C9orf78: variants seen among roughly 807,000 people sequenced by gnomAD.
C9orf78 encodes chromosome 9 open reading frame 78, also known as splicing factor C9orf78.
C9orf78 carries 19 observed loss-of-function variants against 37.4 expected under a neutral mutation model. That is an observed-to-expected ratio of 0.51 (90% CI 0.35 to 0.74). The LOEUF (loss-of-function observed/expected upper bound fraction) is 0.74. Among genes scored for constraint, C9orf78 ranks in the 30% least tolerant of loss-of-function variants. The probability of loss-of-function intolerance (pLI) is 0.01; values close to 1 mark genes in which losing one functional copy is unlikely to be tolerated. For missense variants in C9orf78, 291 were observed against 370.8 expected, an observed-to-expected ratio of 0.78 and a Z score of 1.77; for synonymous variants, 130 against 128.0, an observed-to-expected ratio of 1.02 and a Z score of -0.10.
In C9orf78 at chr9:129,833,721, C is replaced by CAAA; in HGVS notation, c.144-15_144-13dup. 1 of 1,324,578 alleles carries CAAA rather than the reference C, an allele frequency of 7.5e-7. No individual in the cohort carries two copies. Among genetic ancestry groups the CAAA allele is most frequent in the Non-Finnish European group, 1.0e-6 (1 of 972,208 alleles). 82.1% of individuals were successfully genotyped at this position (1,324,578 alleles called of 1,614,324 possible). A position where few individuals can be genotyped will look rare whatever the true frequency, so the allele number is the denominator to read the frequency against. On this transcript the variant is annotated splice_polypyrimidine_tract_variant and intron_variant, in intron 2 of 8. Transcript: ENST00000372447. Reference sequence around the variant, plus strand: ...GCAAGGCCACAGCACTGAGCAAAACCAAAAAAAAAAGAGAGGGGGAGAGAG... The same window carrying CAAA: ...GCAAGGCCACAGCACTGAGCAAAACCAAAAAAAAAAAAAGAGAGGGGGAGAGAG...
At chr9:129,832,022 A>C in intron 4 of C9orf78, 49 bp from the exon 5 acceptor site, 1 of 861,450 alleles carries the variant, frequency 1.2e-6, no homozygotes, top group Admixed American at 1.7e-5. Context: ...CAACTCAATG[A>C]GGCTGAGTTT....
At chr9:129,833,834 T>G (rs1201381029) in intron 2 of C9orf78, 125 bp from the exon 3 acceptor site, 1 of 664,870 alleles carries the variant, frequency 1.5e-6, no homozygotes, top group African/African-American at 1.8e-5. Flanking sequence ...GAGGGGTGGG[T>G]AGGCAAGCCG....
intron 8 of C9orf78, chr9:129,828,795 A>G (rs555036825): frequency 6.1e-6 from 2 of 329,158 alleles, no homozygotes; most frequent in South Asian, 2.6e-5. Flanking sequence ...CAGTGGTCCA[A>G]TCATAGCTCA....
rs767928848 is a variant in C9orf78 at position 129,833,743 on chromosome 9, A to G, written c.144-34T>C. On this transcript the variant is annotated intron_variant, in intron 2 of 8. Coordinates refer to ENST00000372447, the MANE Select transcript of C9orf78 (RefSeq NM_016520.3). ...AACCAAAAAAAAAAGAGAGGGGGAG[A>G]GAGAGAAATGGCATAATTCAGAGAT... is the stretch of plus-strand genomic sequence containing the variant. The G allele has an allele frequency of 1.2e-5, 18 of 1,529,672 alleles. No individual in the cohort carries two copies. In the East Asian group the frequency reaches 3.4e-4, roughly 29 times the overall value. The allele number at this position is 1,529,672 out of a possible 1,614,324, so 94.8% of individuals were successfully genotyped here.
Position 129,835,227 on chromosome 9 carries a change from C to A in C9orf78, c.-6G>T. The A allele has an allele frequency of 6.2e-7, 1 of 1,605,662 alleles. No homozygotes were observed. Among genetic ancestry groups the A allele is most frequent in the Non-Finnish European group, 8.5e-7 (1 of 1,177,056 alleles). ...ATCTTCCGGACGACCGGCATGGTGA[C>A]AACGGCCGAGTTGTACAGCCGCCGC... On this transcript the variant is annotated 5_prime_UTR_variant, in exon 1 of 9. Coordinates refer to ENST00000372447, the MANE Select transcript of C9orf78 (RefSeq NM_016520.3).
chr9:129,834,505 G>A (rs1042804132), intron 2 of C9orf78: 1 of 528,796 alleles, frequency 1.9e-6, no homozygotes. Flanking sequence ...TGTATCTCTG[G>A]AGCACACCCC....
intron 6 of C9orf78, 108 bp downstream of exon 6, chr9:129,830,763 G>A (rs895160672): frequency 2.1e-5 from 16 of 775,984 alleles, no homozygotes; most frequent in Non-Finnish European, 3.6e-5. Flanking sequence ...ACCCGCCTCA[G>A]CCTCCCAAAG....
intron 6 of C9orf78, 168 bp from the exon 7 acceptor site, chr9:129,829,709 C>T (rs114765479): frequency 2.3e-5 from 14 of 599,484 alleles, no homozygotes; most frequent in East Asian, 1.9e-4. Flanking sequence ...GGGACTCTCA[C>T]GGCTGTCGGA....
rs1164775389 is a variant in C9orf78, at chr9:129,835,228, A to T, written c.-7T>A. ...TCTTCCGGACGACCGGCATGGTGAC[A>T]ACGGCCGAGTTGTACAGCCGCCGCG... On this transcript the variant is annotated 5_prime_UTR_variant, in exon 1 of 9. Transcript: ENST00000372447. The T allele has an allele frequency of 3.1e-6, 5 of 1,604,386 alleles. No individual in the cohort carries two copies. In the African/African-American group the frequency reaches 6.7e-5, roughly 22 times the overall value.
intron 3 of C9orf78, 36 bp downstream of exon 3, chr9:129,833,622 C>T: frequency 6.5e-7 from 1 of 1,531,298 alleles, no homozygotes; most frequent in Non-Finnish European, 9.0e-7. Flanking sequence ...GCAGGGAGGG[C>T]TGCCATAACT....
At chr9:129,832,886 C>T (rs1201612292) in intron 4 of C9orf78, among the ~76,000 whole-genome samples, 1 of 152,040 alleles carries the variant, frequency 6.6e-6, no homozygotes, top group African/African-American at 2.4e-5. Context: ...ACCTCCCTGA[C>T]TCAAGTGATT....
chr9:129,828,168 C>T lies in C9orf78; in HGVS notation c.863G>A (p.Arg288Gln), dbSNP rs769552320. ...CATCCCACTCTGCACAACTCAGTAC[C>T]GCCTATTCATTTTCTTGAACTTCTC... ...HYEKFKKMNR[R>Q]Y The change falls in exon 9 of 9, where the codon CGG becomes CAG. Residue 288 changes from arginine (R) to glutamine (Q), a missense_variant. Transcript: ENST00000372447. The T allele has an allele frequency of 1.1e-5, 17 of 1,565,158 alleles. No homozygotes were observed. The highest frequency in any genetic ancestry group is 8.4e-5 in the Admixed American group (5 of 59,744).
At position 129,831,891 on chromosome 9, in the gene C9orf78, C is replaced by G. The variant is rs373953902; in HGVS notation, c.344+5G>C. 107 of 1,501,090 alleles carry G rather than the reference C, an allele frequency of 7.1e-5. No individual in the cohort carries two copies. Among genetic ancestry groups the G allele is most frequent in the Admixed American group, 4.8e-4 (29 of 59,884 alleles). The allele number at this position is 1,501,090 out of a possible 1,614,324, so 93.0% of individuals were successfully genotyped here. A position where few individuals can be genotyped will look rare whatever the true frequency, so the allele number is the denominator to read the frequency against. ...CTGCTCACAGCCAAACAGACTGACA[C>G]TTACATGTCTGCATCCTCATCCCTT... On this transcript the variant is annotated splice_donor_5th_base_variant and intron_variant, in intron 5 of 8. Coordinates refer to ENST00000372447, the MANE Select transcript of C9orf78 (RefSeq NM_016520.3).
At chr9:129,831,719 C>T (rs541043287) in intron 5 of C9orf78, 177 bp downstream of exon 5, 27 of 579,640 alleles carry the variant, frequency 4.7e-5, no homozygotes, top group Middle Eastern at 4.4e-4. Context: ...CTACCGTGCC[C>T]GGCCTGAAAA....
chr9:129,833,648 C>G lies in C9orf78; in HGVS notation c.195+10G>C, dbSNP rs778229828. On this transcript the variant is annotated intron_variant, in intron 3 of 8. Transcript: ENST00000372447. ...TGCCATAACTACTCAGGGAAGACCC[C>G]ATAACTTACCACTAGAGTGGTCTCC... 2 of 1,601,744 alleles carry G rather than the reference C, an allele frequency of 1.2e-6. No individual in the cohort carries two copies. Among genetic ancestry groups the G allele is most frequent in the Non-Finnish European group, 1.7e-6 (2 of 1,169,088 alleles).
chr9:129,834,995 C>A, intron 1 of C9orf78, 144 bp downstream of exon 1: 2 of 746,124 alleles, frequency 2.7e-6, no homozygotes, highest in Non-Finnish European at 4.5e-6. Flanking sequence ...TGGCCTCACC[C>A]CTTGAGCCTC....
intron 4 of C9orf78, 126 bp downstream of exon 4, chr9:129,833,321 C>T (rs912852705): frequency 1.5e-6 from 1 of 669,026 alleles, no homozygotes; most frequent in Middle Eastern, 2.5e-4. Context: ...ACACCCTTTG[C>T]AAAGCACAAA....
chr9:129,829,708 A>C, intron 6 of C9orf78, 167 bp from the exon 7 acceptor site: 12 of 602,510 alleles, frequency 2.0e-5, no homozygotes, highest in Non-Finnish European at 2.9e-5. Flanking sequence ...CGGGACTCTC[A>C]CGGCTGTCGG....
chr9:129,832,489 A>G (rs920510740), intron 4 of C9orf78, among the ~76,000 whole-genome samples: 5 of 152,224 alleles, frequency 3.3e-5, no homozygotes, highest in African/African-American at 1.2e-4. Flanking sequence ...CCCAGGCTGA[A>G]GTGCAGTGGC....
Sources: allele counts gnomAD v4.1 joint callset (sites outside exome capture counted in the v4.1 genomes callset), GRCh38; gene constraint gnomAD v4.1.1; transcripts MANE v1.5; gene names NCBI Gene and HGNC (gene_info 2026-07-23, HGNC 2026-07-21).